SLC35D4: variants seen among roughly 807,000 people sequenced by gnomAD.
SLC35D4 encodes UDP-N-acetylglucosamine transporter SLC35D4.
chr18:23,274,555 T>C, the SLC35D4 span, among the ~76,000 whole-genome samples: 656 of 152,318 alleles, frequency 4.3e-3, 8 homozygotes, highest in African/African-American at 0.015. Flanking sequence ...AGCCATCACA[T>C]ACGTGCTGGA....
At chr18:23,240,610 T>C in the SLC35D4 span, among the ~76,000 whole-genome samples, 1 of 152,216 alleles carries the variant, frequency 6.6e-6, no homozygotes, top group African/African-American at 2.4e-5. Flanking sequence ...GCTCAGTGAT[T>C]GGGGAAGGAG....
At chr18:23,240,738 A>G in the SLC35D4 span, among the ~76,000 whole-genome samples, 8 of 152,172 alleles carry the variant, frequency 5.3e-5, no homozygotes, top group African/African-American at 2.4e-5. Flanking sequence ...GGGCAGTCCA[A>G]TGTGGCCAGC....
At chr18:23,352,107 A>G in the SLC35D4 span, 2 of 1,167,204 alleles carry the variant, frequency 1.7e-6, no homozygotes, top group Admixed American at 2.3e-5. Context: ...GGTCTCATGA[A>G]GCTCAAACAA....
At chr18:23,262,735 T>A in the SLC35D4 span, among the ~76,000 whole-genome samples, 5 of 152,080 alleles carry the variant, frequency 3.3e-5, no homozygotes, top group African/African-American at 1.2e-4. Flanking sequence ...GGCAGCAGGG[T>A]TGGAAATCAG....
chr18:23,246,053 G>A, the SLC35D4 span, among the ~76,000 whole-genome samples: 4 of 152,272 alleles, frequency 2.6e-5, no homozygotes, highest in South Asian at 6.2e-4. Context: ...AGATCACGAG[G>A]TCAGGAGATC....
the SLC35D4 span, among the ~76,000 whole-genome samples, chr18:23,347,634 A>T: frequency 6.6e-6 from 1 of 152,178 alleles, no homozygotes; most frequent in Non-Finnish European, 1.5e-5. Context: ...TACGTTACCC[A>T]GGCTGGTCCT....
At chr18:23,288,441 C>A in the SLC35D4 span, among the ~76,000 whole-genome samples, 1 of 152,214 alleles carries the variant, frequency 6.6e-6, no homozygotes, top group Non-Finnish European at 1.5e-5. Flanking sequence ...CTTCCCTACA[C>A]ATCAAGCCCA....
the SLC35D4 span, chr18:23,437,750 C>T: frequency 6.2e-7 from 1 of 1,602,688 alleles, no homozygotes; most frequent in African/African-American, 1.3e-5. Flanking sequence ...CTCCCACGTG[C>T]AATCGCTGCC....
chr18:23,325,893 C>T, the SLC35D4 span, among the ~76,000 whole-genome samples: 31 of 152,320 alleles, frequency 2.0e-4, no homozygotes, highest in South Asian at 5.4e-3. Flanking sequence ...AAGAAGAAAA[C>T]AATGCCCATC....
At chr18:23,269,245 G>A in the SLC35D4 span, among the ~76,000 whole-genome samples, 1 of 152,216 alleles carries the variant, frequency 6.6e-6, no homozygotes, top group Non-Finnish European at 1.5e-5. Flanking sequence ...AATCATGGGA[G>A]TGGTTTACCC....
At chr18:23,258,205 T>C in the SLC35D4 span, 1 of 152,546 alleles carries the variant, frequency 6.6e-6, no homozygotes, top group Non-Finnish European at 1.5e-5. Context: ...CCGCCACGTG[T>C]ATTTAACCCT....
the SLC35D4 span, chr18:23,253,829 G>A: frequency 6.2e-7 from 1 of 1,614,100 alleles, no homozygotes; most frequent in Non-Finnish European, 8.5e-7. Flanking sequence ...CGCCCTCAAG[G>A]GGAAACTCAA....
chr18:23,305,127 C>T, the SLC35D4 span, among the ~76,000 whole-genome samples: 6 of 152,258 alleles, frequency 3.9e-5, no homozygotes, highest in Non-Finnish European at 7.4e-5. Flanking sequence ...GTATAAAAAA[C>T]CTATGACAAT....
At chr18:23,257,528 T>C in the SLC35D4 span, 1 of 762,652 alleles carries the variant, frequency 1.3e-6, no homozygotes, top group Non-Finnish European at 2.0e-6. Flanking sequence ...CCAAGGAGTC[T>C]TGGGTGTGTA....
chr18:23,243,468 GTTTTTT>G, the SLC35D4 span, among the ~76,000 whole-genome samples: 1 of 101,878 alleles, frequency 9.8e-6, no homozygotes, highest in Non-Finnish European at 2.0e-5. Flanking sequence ...TGGGTTTGGT[GTTTTTT>G]TTTTTTTTTT....
At chr18:23,430,607 A>T in the SLC35D4 span, 15 of 1,581,910 alleles carry the variant, frequency 9.5e-6, no homozygotes, top group African/African-American at 2.7e-5. Flanking sequence ...AAAAATGTAT[A>T]TAAAGAGCAA....
chr18:23,432,011 A>G, the SLC35D4 span, among the ~76,000 whole-genome samples: 2 of 152,252 alleles, frequency 1.3e-5, no homozygotes, highest in Admixed American at 1.3e-4. Flanking sequence ...AAATGCCACA[A>G]TTATGGCTAA....
At chr18:23,246,961 G>A in the SLC35D4 span, among the ~76,000 whole-genome samples, 1 of 152,344 alleles carries the variant, frequency 6.6e-6, no homozygotes, top group Non-Finnish European at 1.5e-5. Flanking sequence ...CTAAAGTGCT[G>A]GGGTTACAGG....
the SLC35D4 span, among the ~76,000 whole-genome samples, chr18:23,242,084 T>C: frequency 6.6e-6 from 1 of 152,140 alleles, no homozygotes; most frequent in Admixed American, 6.5e-5. Flanking sequence ...AAGAGCAGCC[T>C]GACCAACGTG....
Sources: gnomAD v4.1 joint callset for allele counts (sites outside exome capture counted in the v4.1 genomes callset) on GRCh38, gnomAD v4.1.1 for gene constraint, MANE v1.5 for transcripts, NCBI Gene and HGNC (gene_info 2026-07-23, HGNC 2026-07-21) for gene names.